The following MAL2 variants were observed in gnomAD, a reference collection of about 807,000 sequenced individuals.
MAL2 encodes the protein protein MAL2.
A neutral mutation model predicts 18.1 loss-of-function variants in MAL2; 17 were observed. That is an observed-to-expected ratio of 0.94 (90% CI 0.64 to 1.41). MAL2 has a LOEUF of 1.41. MAL2 is among the 40% of genes most tolerant of loss of function. MAL2 has a pLI of 0.00. For synonymous variants in MAL2, 102 were observed against 102.3 expected (o/e 1.00, Z 0.02); for missense variants, 222 against 231.9 (o/e 0.96, Z 0.28).
At position 119,241,293 on chromosome 8, in the gene MAL2, C is replaced by T. The variant is rs115315583; in HGVS notation, c.459+973C>T. On this transcript the variant is annotated intron_variant, in intron 3 of 3. Transcript: ENST00000614891. ...CTGTAATCCCAGCACATTGGTAGGC[C>T]GAGGTGGGAGGACTGCTTGAGGCCA... 6.4e-3 allele frequency among the ~76,000 whole-genome samples: 980 copies of T among 152,108 alleles called. 11 individuals carry two copies. Among genetic ancestry groups the T allele is most frequent in the African/African-American group, 0.022 (919 of 41,490 alleles).
At chr8:119,237,312 A>G (rs1195753297) in intron 2 of MAL2, among the ~76,000 whole-genome samples, 1 of 151,480 alleles carries the variant, frequency 6.6e-6, no homozygotes, top group East Asian at 1.9e-4. Flanking sequence ...TACCAACCAA[A>G]AAGAGTCCAG....
chr8:119,242,208 G>A (rs949560991), intron 3 of MAL2, among the ~76,000 whole-genome samples: 2 of 152,124 alleles, frequency 1.3e-5, no homozygotes, highest in East Asian at 1.9e-4. Context: ...GCTGAAATAC[G>A]TGATGGTTGT....
chr8:119,236,658 A>G (rs992826346), intron 2 of MAL2, among the ~76,000 whole-genome samples: 1 of 151,466 alleles, frequency 6.6e-6, no homozygotes, highest in South Asian at 2.1e-4. Context: ...CCGCTCAACT[A>G]CATGGAAACT....
intron 2 of MAL2, among the ~76,000 whole-genome samples, chr8:119,236,542 A>G (rs925345017): frequency 2.6e-5 from 4 of 151,570 alleles, no homozygotes; most frequent in Non-Finnish European, 4.4e-5. Flanking sequence ...ACATAGTTGG[A>G]AGTAAAGCTC....
chr8:119,214,661 G>T lies in MAL2; in HGVS notation c.132+6057G>T, dbSNP rs559808195. On this transcript the variant is annotated intron_variant, in intron 1 of 3. Transcript: ENST00000614891. Reference sequence around the variant, plus strand: ...TGTAATATGAGCTTTCCATTTTAGGGTCGGTGTCAGCTATTTAAGCAGCTG... The same window carrying T: ...TGTAATATGAGCTTTCCATTTTAGGTTCGGTGTCAGCTATTTAAGCAGCTG... Among the ~76,000 whole-genome samples, 66 of 152,278 alleles carry T rather than the reference G, an allele frequency of 4.3e-4. 1 individual carries two copies. Among genetic ancestry groups the T allele is most frequent in the African/African-American group, 1.5e-3 (64 of 41,564 alleles).
chr8:119,215,820 G>A (rs1484997697), intron 1 of MAL2, among the ~76,000 whole-genome samples: 1 of 152,134 alleles, frequency 6.6e-6, no homozygotes, highest in African/African-American at 2.4e-5. Flanking sequence ...GGGGGCAGCA[G>A]TATGCCTTGT....
chr8:119,210,064 A>G (rs1817246853), intron 1 of MAL2, among the ~76,000 whole-genome samples: 1 of 152,170 alleles, frequency 6.6e-6, no homozygotes. Context: ...AGTTTTTGCC[A>G]TATCCGCATT....
In MAL2 at chr8:119,243,414, T is replaced by C. The variant is rs1354385202; in HGVS notation, c.460-3T>C. ...ATGTGAATTTTTGTTTCTTTTTTCT[T>C]AGATTTTTGCCTTTATGACGACAGC... On this transcript the variant is annotated splice_polypyrimidine_tract_variant and splice_region_variant and intron_variant, in intron 3 of 3. Transcript: ENST00000614891. 5 of 1,583,438 alleles carry C rather than the reference T, an allele frequency of 3.2e-6. No homozygotes were observed. Among genetic ancestry groups the C allele is most frequent in the Non-Finnish European group, 4.3e-6 (5 of 1,163,100 alleles).
rs7826588 is a variant in MAL2, at chr8:119,220,361, A to T, written c.133-1226A>T. Among the ~76,000 whole-genome samples, 285 of 152,336 alleles carry T rather than the reference A, an allele frequency of 1.9e-3. 1 individual carries two copies. The highest frequency in any genetic ancestry group is 6.7e-3 in the African/African-American group (278 of 41,572). ...GATTCTTACACTCTGTTGGTCTAAC[A>T]GTCTCCTGTGTTACCCAATGTTTGT... On this transcript the variant is annotated intron_variant, in intron 1 of 3. Transcript: ENST00000614891.
At position 119,240,126 on chromosome 8, in the gene MAL2, T is replaced by C. The variant is rs377517026; in HGVS notation, c.304-39T>C. ...TTTAAAATAAGGAACAGAAAAATAT[T>C]TTTTTTTAATTGCAGATGTCTTTTC... On this transcript the variant is annotated intron_variant, in intron 2 of 3. Transcript: ENST00000614891. The C allele has an allele frequency of 4.3e-5, 68 of 1,584,160 alleles. No individual in the cohort carries two copies. The Admixed American group carries it at 1.1e-3, about 27-fold the overall frequency.
chr8:119,223,570 T>C (rs1195793355), intron 2 of MAL2, among the ~76,000 whole-genome samples: 5 of 152,210 alleles, frequency 3.3e-5, no homozygotes, highest in Non-Finnish European at 7.3e-5. Flanking sequence ...ACAGCTGAAA[T>C]TGGAAATCTT....
Position 119,233,986 on chromosome 8 carries a change from C to G in MAL2, c.304-6179C>G, listed in dbSNP as rs568892405. Among the ~76,000 whole-genome samples, 381 of 152,294 alleles carry G rather than the reference C, an allele frequency of 2.5e-3. 2 individuals carry two copies. Among genetic ancestry groups the G allele is most frequent in the South Asian group, 0.025 (120 of 4,826 alleles). On this transcript the variant is annotated intron_variant, in intron 2 of 3. Transcript: ENST00000614891. Reference sequence around the variant, plus strand: ...ATGGCCGAATAGGAACAGCTCCAGTCTACAGCTCCCAGCGTGAGTGACGCA... The same window carrying G: ...ATGGCCGAATAGGAACAGCTCCAGTGTACAGCTCCCAGCGTGAGTGACGCA...
At chr8:119,219,678 A>G (rs1202268623) in intron 1 of MAL2, among the ~76,000 whole-genome samples, 1 of 152,150 alleles carries the variant, frequency 6.6e-6, no homozygotes, top group Non-Finnish European at 1.5e-5. Flanking sequence ...ACTGATGGTT[A>G]GGAAAGGATT....
At position 119,231,285 on chromosome 8, in the gene MAL2, A is replaced by G. The variant is rs1183520909; in HGVS notation, c.304-8880A>G. On this transcript the variant is annotated intron_variant, in intron 2 of 3. Transcript: ENST00000614891. ...CTGACCTCATGATCCGCCCGCCTTG[A>G]CCTCCCAAAGTGCTGGGATTACAGG... Among the ~76,000 whole-genome samples the G allele has an allele frequency of 7.2e-5, 11 of 151,994 alleles. No individual in the cohort carries two copies. The East Asian group carries it at 1.4e-3, about 19-fold the overall frequency.
chr8:119,208,547 GC>G lies in MAL2; in HGVS notation c.78del (p.Ala27ProfsTer47). The G allele has an allele frequency of 1.4e-6, 2 of 1,397,528 alleles. No individual in the cohort carries two copies. Among genetic ancestry groups the G allele is most frequent in the Non-Finnish European group, 9.3e-7 (1 of 1,071,156 alleles). 86.6% of individuals were successfully genotyped at this position (1,397,528 alleles called of 1,614,324 possible). A position where few individuals can be genotyped will look rare whatever the true frequency, so the allele number is the denominator to read the frequency against. ...VSFPPPRVTL[P>X]AGPDILRTYS... ...CCTTCCCGCCGCCCCGGGTCACCCT[GC>G]CCGCCGGCCCCGACATCCTGCGGAC... On this transcript the variant is annotated frameshift_variant, in exon 1 of 4. Transcript: ENST00000614891. LOFTEE classifies it high-confidence loss of function. This position sits in a 1 kb window ranked among gnomAD's most constrained non-coding sequence, Gnocchi z 4.3.
At chr8:119,241,992 T>C (rs1429986792) in intron 3 of MAL2, among the ~76,000 whole-genome samples, 2 of 152,122 alleles carry the variant, frequency 1.3e-5, no homozygotes, top group Non-Finnish European at 2.9e-5. Flanking sequence ...AGAAAACCCT[T>C]GGTTTTAACA....
chr8:119,214,811 G>A (rs968895866), intron 1 of MAL2, among the ~76,000 whole-genome samples: 4 of 152,160 alleles, frequency 2.6e-5, no homozygotes, highest in African/African-American at 7.2e-5. Flanking sequence ...GAGTATTAAC[G>A]TATTTTGGTC....
intron 3 of MAL2, among the ~76,000 whole-genome samples, chr8:119,240,843 A>G (rs149016002): frequency 4.1e-4 from 62 of 152,298 alleles, no homozygotes; most frequent in African/African-American, 1.5e-3. Context: ...ATTGCAGTAG[A>G]TGATAGGCAG....
intron 2 of MAL2, among the ~76,000 whole-genome samples, chr8:119,231,194 G>A (rs1817717149): frequency 6.6e-6 from 1 of 152,064 alleles, no homozygotes; most frequent in South Asian, 2.1e-4. Context: ...ACCACACCCA[G>A]CTAATCTTTT....
Sources: allele counts gnomAD v4.1 joint callset (sites outside exome capture counted in the v4.1 genomes callset), GRCh38; gene constraint gnomAD v4.1.1; non-coding constraint Gnocchi (gnomAD v3.1); transcripts MANE v1.5; gene names NCBI Gene and HGNC (gene_info 2026-07-23, HGNC 2026-07-21).